The following ZBTB16 variants were observed in gnomAD, a reference collection of about 807,000 sequenced individuals.
ZBTB16 encodes the protein zinc finger and BTB domain containing 16.
ZBTB16 carries 8 observed loss-of-function variants against 56.8 expected under a neutral mutation model. The observed-to-expected ratio is 0.14, with a 90% CI of 0.08 to 0.25. ZBTB16 has a LOEUF of 0.25. ZBTB16 is among the 10% of genes least tolerant of loss of function. ZBTB16 has a pLI of 1.00. For synonymous variants in ZBTB16, 363 were observed against 368.5 expected, an observed-to-expected ratio of 0.98 and a Z score of 0.17; for missense variants, 625 against 903.0, an observed-to-expected ratio of 0.69 and a Z score of 3.95.
chr11:114,100,840 C>T (rs898991665), intron 2 of ZBTB16, among the ~76,000 whole-genome samples: 2 of 152,100 alleles, frequency 1.3e-5, no homozygotes, highest in African/African-American at 2.4e-5. Context: ...TAAAGATCAG[C>T]GATCTACAGC....
At chr11:114,094,708 G>T (rs1258722780) in intron 2 of ZBTB16, among the ~76,000 whole-genome samples, 5 of 152,248 alleles carry the variant, frequency 3.3e-5, no homozygotes. Flanking sequence ...CTTAACTAGG[G>T]TCTATCCCAC....
At chr11:114,183,436 T>G (rs1943296281) in intron 3 of ZBTB16, among the ~76,000 whole-genome samples, 1 of 152,194 alleles carries the variant, frequency 6.6e-6, no homozygotes, top group Non-Finnish European at 1.5e-5. Context: ...GCCTCCTTCC[T>G]TTCTCTCTGC....
At chr11:114,078,785 G>A (rs1939658602) in intron 2 of ZBTB16, among the ~76,000 whole-genome samples, 1 of 152,178 alleles carries the variant, frequency 6.6e-6, no homozygotes, top group Non-Finnish European at 1.5e-5. Context: ...ATGAAGGGAA[G>A]AAGGTTGGCT....
chr11:114,239,819 CG>C (rs1944665650), intron 4 of ZBTB16, among the ~76,000 whole-genome samples: 1 of 152,156 alleles, frequency 6.6e-6, no homozygotes, highest in African/African-American at 2.4e-5. Flanking sequence ...CCCAGACAGG[CG>C]GGCAGTCAGC....
intron 4 of ZBTB16, among the ~76,000 whole-genome samples, chr11:114,205,898 A>G (rs1320671676): frequency 6.6e-6 from 1 of 152,180 alleles, no homozygotes; most frequent in Non-Finnish European, 1.5e-5. Context: ...GCTTTTGACA[A>G]ATGAATGAGC....
chr11:114,251,856 C>T lies in ZBTB16; in HGVS notation c.*1301C>T, dbSNP rs1002569099. On this transcript the variant is annotated 3_prime_UTR_variant, in exon 7 of 7. Coordinates refer to ENST00000335953, the MANE Select transcript of ZBTB16 (RefSeq NM_006006.6). Reference sequence around the variant, plus strand: ...TTCTTTTCTGTGTCCCCTGTTAGCACATTGTACTTGAATTACCTCAGTTTT... The same window carrying T: ...TTCTTTTCTGTGTCCCCTGTTAGCATATTGTACTTGAATTACCTCAGTTTT... 6.6e-6 allele frequency among the ~76,000 whole-genome samples: 1 copy of T among 152,188 alleles called. No homozygotes were observed. Among genetic ancestry groups the T allele is most frequent in the Non-Finnish European group, 1.5e-5 (1 of 68,028 alleles).
chr11:114,105,705 C>T (rs982473547), intron 2 of ZBTB16, among the ~76,000 whole-genome samples: 1 of 152,204 alleles, frequency 6.6e-6, no homozygotes, highest in Non-Finnish European at 1.5e-5. Context: ...CCTGTTCCTC[C>T]ATCACTCTGC....
intron 2 of ZBTB16, among the ~76,000 whole-genome samples, chr11:114,103,868 C>G (rs1242038454): frequency 6.6e-6 from 1 of 152,042 alleles, no homozygotes; most frequent in African/African-American, 2.4e-5. Context: ...ACTGAACAAC[C>G]CTCCCTGACC....
At chr11:114,078,491 A>G (rs1345347107) in intron 2 of ZBTB16, among the ~76,000 whole-genome samples, 1 of 152,238 alleles carries the variant, frequency 6.6e-6, no homozygotes, top group Non-Finnish European at 1.5e-5. Flanking sequence ...AAGCTGTCTG[A>G]GAAACAAACA....
At chr11:114,091,979 A>G (rs1940209623) in intron 2 of ZBTB16, among the ~76,000 whole-genome samples, 1 of 152,046 alleles carries the variant, frequency 6.6e-6, no homozygotes, top group Non-Finnish European at 1.5e-5. Flanking sequence ...GCTGGGCCTC[A>G]CCCTTTTGTC....
At chr11:114,100,573 C>T (rs187380091) in intron 2 of ZBTB16, among the ~76,000 whole-genome samples, 3 of 152,126 alleles carry the variant, frequency 2.0e-5, no homozygotes, top group Admixed American at 6.5e-5. Context: ...AAACTAAGAC[C>T]GATTTGAGCA....
intron 2 of ZBTB16, among the ~76,000 whole-genome samples, chr11:114,136,576 T>G (rs984602916): frequency 3.3e-5 from 5 of 152,192 alleles, no homozygotes; most frequent in African/African-American, 1.2e-4. Flanking sequence ...CTGAGGTTCT[T>G]ACCTTCTATT....
intron 4 of ZBTB16, among the ~76,000 whole-genome samples, chr11:114,235,690 CTTTTCTTTCTTTCT>C (rs1292218553): frequency 1.6e-4 from 11 of 68,258 alleles, no homozygotes; most frequent in Admixed American, 1.1e-3. Context: ...TTCTTTCTTT[CTTTTCTTTCTTTCT>C]TTTCTTTCTT....
At chr11:114,107,782 A>G (rs1029014253) in intron 2 of ZBTB16, among the ~76,000 whole-genome samples, 1 of 152,190 alleles carries the variant, frequency 6.6e-6, no homozygotes, top group African/African-American at 2.4e-5. Flanking sequence ...AAGAGAAACA[A>G]AGCTGGGCTG....
intron 4 of ZBTB16, among the ~76,000 whole-genome samples, chr11:114,191,628 A>T (rs1943495792): frequency 6.6e-6 from 1 of 152,200 alleles, no homozygotes; most frequent in Non-Finnish European, 1.5e-5. Context: ...GTGGGCTAAA[A>T]GGCTCAGGAT....
At chr11:114,088,110 C>A (rs1591652872) in intron 2 of ZBTB16, among the ~76,000 whole-genome samples, 1 of 150,688 alleles carries the variant, frequency 6.6e-6, no homozygotes, top group East Asian at 2.0e-4. Context: ...GCTCCCACAC[C>A]AGAAGAGGTA....
Position 114,148,444 on chromosome 11 carries a change from T to C in ZBTB16, c.1269-7893T>C, listed in dbSNP as rs1225439379. 8.5e-4 allele frequency among the ~76,000 whole-genome samples: 57 copies of C among 67,178 alleles called. 7 individuals carry two copies. Among genetic ancestry groups the C allele is most frequent in the South Asian group, 2.9e-3 (4 of 1,396 alleles). 44.1% of individuals were successfully genotyped at this position (67,178 alleles called of 152,430 possible). ...CCCTCCCTCTCTCTCTCTTTCTCTC[T>C]CTCTGTCTGTCTGTCTCTCTCTCTC... is the stretch of plus-strand genomic sequence containing the variant. On this transcript the variant is annotated intron_variant, in intron 2 of 6. Transcript: ENST00000335953.
rs906324444 is a variant in ZBTB16, at chr11:114,253,715, A to T, written c.*3160A>T. 1.3e-5 allele frequency among the ~76,000 whole-genome samples: 2 copies of T among 152,228 alleles called. No homozygotes were observed. The highest frequency in any genetic ancestry group is 2.4e-5 in the African/African-American group (1 of 41,454). On this transcript the variant is annotated 3_prime_UTR_variant, in exon 7 of 7. Coordinates refer to ENST00000335953, the MANE Select transcript of ZBTB16 (RefSeq NM_006006.6). ...TGAAGACACCTGAATAGAGTCTAAC[A>T]TGCCTCTTCTCCAACTTCCTACCTA...
At chr11:114,164,647 G>A (rs764029939) in intron 3 of ZBTB16, among the ~76,000 whole-genome samples, 74 of 152,296 alleles carry the variant, frequency 4.9e-4, no homozygotes, top group Admixed American at 1.8e-3. Context: ...ACACCCTGCC[G>A]GAAGCGTTCT....
Sources: allele counts gnomAD v4.1 joint callset (sites outside exome capture counted in the v4.1 genomes callset), GRCh38; gene constraint gnomAD v4.1.1; transcripts MANE v1.5; gene names NCBI Gene and HGNC (gene_info 2026-07-23, HGNC 2026-07-21).